Variants in PEBP4 observed in about 807,000 individuals in gnomAD.
PEBP4 encodes phosphatidylethanolamine binding protein 4.
PEBP4 carries 22 observed loss-of-function variants against 23.9 expected under a neutral mutation model. The ratio of observed to expected loss-of-function variants is 0.92; its 90% CI spans 0.66 to 1.31. The LOEUF (loss-of-function observed/expected upper bound fraction) is 1.31, where lower values mean the gene tolerates loss of function less well. PEBP4 is among the 40% of genes most tolerant of loss of function. The pLI is 0.00. For missense variants in PEBP4, 324 were observed against 281.7 expected (o/e 1.15, Z -1.07); for synonymous variants, 112 against 99.3 (o/e 1.13, Z -0.76).
At chr8:22,755,258 A>G (rs191977341) in intron 4 of PEBP4, among the ~76,000 whole-genome samples, 1 of 151,748 alleles carries the variant, frequency 6.6e-6, no homozygotes, top group East Asian at 1.9e-4. Context: ...AGAAATGCCA[A>G]TAGGCAGGAA....
intron 3 of PEBP4, among the ~76,000 whole-genome samples, chr8:22,907,155 T>A (rs967464692): frequency 6.6e-6 from 1 of 152,084 alleles, no homozygotes; most frequent in African/African-American, 2.4e-5. Context: ...GCATGCCCCA[T>A]GCAGTCAAGA....
chr8:22,802,735 C>T (rs551618495), intron 4 of PEBP4, among the ~76,000 whole-genome samples: 1 of 152,302 alleles, frequency 6.6e-6, no homozygotes, highest in South Asian at 2.1e-4. Context: ...CAGGGAATCG[C>T]GAGGAACTTG....
rs879354172 is a variant in PEBP4 at position 22,839,165 on chromosome 8, GTT to G, written c.259-21432_259-21431del. On this transcript the variant is annotated intron_variant, in intron 3 of 6. Transcript: ENST00000256404. ...TGCAAAGGTGGCGTTTTTCACACTT[GTT>G]CGGGATGACCAAGCCCAGATAGATG... 1.0e-3 allele frequency among the ~76,000 whole-genome samples: 155 copies of G among 152,324 alleles called. 1 individual carries two copies. The highest frequency in any genetic ancestry group is 9.0e-3 in the Admixed American group (137 of 15,302).
intron 4 of PEBP4, among the ~76,000 whole-genome samples, chr8:22,782,784 A>G (rs1805953787): frequency 6.6e-6 from 1 of 152,202 alleles, no homozygotes; most frequent in Admixed American, 6.5e-5. Flanking sequence ...CAGCTGGCCC[A>G]GGTTTGGAGG....
chr8:22,744,244 T>A lies in PEBP4; in HGVS notation c.358-17024A>T, dbSNP rs540552781. 6.6e-5 allele frequency among the ~76,000 whole-genome samples: 10 copies of A among 152,340 alleles called. No homozygotes were observed. In the South Asian group the frequency reaches 1.7e-3, roughly 25 times the overall value. Reference sequence around the variant, plus strand: ...CTGGGGGATGCCCAGGGAGTCTTGGTGACTGGTAGCACCTGAGGGAGGTGG... The same window carrying A: ...CTGGGGGATGCCCAGGGAGTCTTGGAGACTGGTAGCACCTGAGGGAGGTGG... On this transcript the variant is annotated intron_variant, in intron 4 of 6. Coordinates refer to ENST00000256404, the MANE Select transcript of PEBP4 (RefSeq NM_144962.3).
chr8:22,780,708 G>A (rs1186500736), intron 4 of PEBP4, among the ~76,000 whole-genome samples: 4 of 152,190 alleles, frequency 2.6e-5, no homozygotes, highest in Non-Finnish European at 5.9e-5. Context: ...ACCTTCAGCA[G>A]CTGGAAGGAT....
intron 4 of PEBP4, among the ~76,000 whole-genome samples, chr8:22,737,789 G>A (rs1804899411): frequency 1.3e-5 from 2 of 152,236 alleles, no homozygotes; most frequent in African/African-American, 4.8e-5. Flanking sequence ...AAGTGGCGAT[G>A]ATAACGATAC....
chr8:22,839,799 G>A (rs578211873), intron 3 of PEBP4, among the ~76,000 whole-genome samples: 2 of 152,098 alleles, frequency 1.3e-5, no homozygotes, highest in Admixed American at 6.6e-5. Context: ...GCTCTTCCAC[G>A]TGAGGGGCCC....
chr8:22,850,048 A>G (rs965148090), intron 3 of PEBP4, among the ~76,000 whole-genome samples: 1 of 151,924 alleles, frequency 6.6e-6, no homozygotes, highest in Non-Finnish European at 1.5e-5. Flanking sequence ...AAATATGTCC[A>G]CACGTAAGGA....
At chr8:22,846,291 G>T (rs1585304037) in intron 3 of PEBP4, among the ~76,000 whole-genome samples, 1 of 152,170 alleles carries the variant, frequency 6.6e-6, no homozygotes, top group Non-Finnish European at 1.5e-5. Flanking sequence ...GGTCCTGCAC[G>T]ACCAGGGCTG....
chr8:22,788,470 G>T (rs1466705671), intron 4 of PEBP4, among the ~76,000 whole-genome samples: 3 of 152,196 alleles, frequency 2.0e-5, no homozygotes, highest in Non-Finnish European at 4.4e-5. Flanking sequence ...GGGGACCGAG[G>T]TTGGCAGGCT....
chr8:22,930,033 A>G (rs1809429753), upstream of PEBP4, among the ~76,000 whole-genome samples: 1 of 152,152 alleles, frequency 6.6e-6, no homozygotes, highest in Non-Finnish European at 1.5e-5. Context: ...ACCTGGCTCC[A>G]CTGCACTCTG....
chr8:22,795,616 A>G (rs979633777), intron 4 of PEBP4, among the ~76,000 whole-genome samples: 21 of 152,366 alleles, frequency 1.4e-4, no homozygotes, highest in African/African-American at 3.6e-4. Context: ...TTAAGGTCCA[A>G]TAAAGATCAT....
chr8:22,860,210 A>G lies in PEBP4; in HGVS notation c.259-42475T>C, dbSNP rs1344109105. Among the ~76,000 whole-genome samples, 4 of 139,664 alleles carry G rather than the reference A, an allele frequency of 2.9e-5. No homozygotes were observed. The East Asian group carries it at 7.9e-4, about 27-fold the overall frequency. The allele number at this position is 139,664 out of a possible 152,430, so 91.6% of individuals were successfully genotyped here. A position where few individuals can be genotyped will look rare whatever the true frequency, so the allele number is the denominator to read the frequency against. ...TATATATGTATATATATATATACAC[A>G]TATATGTATATATATATATGGTGCC... is the stretch of plus-strand genomic sequence containing the variant. On this transcript the variant is annotated intron_variant, in intron 3 of 6. Coordinates refer to ENST00000256404, the MANE Select transcript of PEBP4 (RefSeq NM_144962.3).
chr8:22,747,886 AG>A (rs766215910), intron 4 of PEBP4, among the ~76,000 whole-genome samples: 55 of 152,282 alleles, frequency 3.6e-4, no homozygotes, highest in Middle Eastern at 3.4e-3. Flanking sequence ...TGCTCACACA[AG>A]CACTGTGGAG....
chr8:22,783,880 C>A (rs1805975298), intron 4 of PEBP4, among the ~76,000 whole-genome samples: 1 of 152,246 alleles, frequency 6.6e-6, no homozygotes. Context: ...CCCGCCTTGG[C>A]TTCCCAAAGT....
intron 1 of PEBP4, among the ~76,000 whole-genome samples, chr8:22,940,591 C>T (rs1366629335): frequency 6.9e-6 from 1 of 145,506 alleles, no homozygotes; most frequent in African/African-American, 2.6e-5. Flanking sequence ...CGGGTTCATG[C>T]CATTCTCCTG....
At chr8:22,915,710 A>C (rs1202995068) in intron 3 of PEBP4, among the ~76,000 whole-genome samples, 1 of 151,816 alleles carries the variant, frequency 6.6e-6, no homozygotes, top group African/African-American at 2.4e-5. Context: ...AGGAGAGGAG[A>C]CTCCACATGT....
intron 2 of PEBP4, among the ~76,000 whole-genome samples, chr8:22,925,550 G>T (rs1052482894): frequency 6.6e-6 from 1 of 152,196 alleles, no homozygotes; most frequent in Non-Finnish European, 1.5e-5. Context: ...TCCAGGCACC[G>T]GCAGAGCACC....
Sources: gnomAD v4.1 joint callset for allele counts (sites outside exome capture counted in the v4.1 genomes callset) on GRCh38, gnomAD v4.1.1 for gene constraint, MANE v1.5 for transcripts, NCBI Gene and HGNC (gene_info 2026-07-23, HGNC 2026-07-21) for gene names.